ZNF536: variants seen among roughly 807,000 people sequenced by gnomAD.
The protein encoded by ZNF536 is zinc finger protein 536.
Under a neutral mutation model 84.5 loss-of-function variants are expected in ZNF536, and 13 were observed. The ratio of observed to expected loss-of-function variants is 0.15; its 90% CI spans 0.10 to 0.24. ZNF536 has a LOEUF of 0.24. ZNF536 is among the 10% of genes least tolerant of loss of function. The pLI, the probability that ZNF536 is intolerant of heterozygous loss-of-function variation, is 1.00. For missense variants in ZNF536, 1,536 were observed against 1,747.5 expected, an observed-to-expected ratio of 0.88 and a Z score of 2.16; for synonymous variants, 811 against 742.5, an observed-to-expected ratio of 1.09 and a Z score of -1.50.
At chr19:30,478,783 G>A (rs1437982954) in intron 2 of ZNF536, among the ~76,000 whole-genome samples, 1 of 152,170 alleles carries the variant, frequency 6.6e-6, no homozygotes, top group East Asian at 1.9e-4. Context: ...ATGTGGTATA[G>A]CTTCGAGTCT....
intron 3 of ZNF536, among the ~76,000 whole-genome samples, chr19:30,542,619 A>C (rs1479095164): frequency 6.6e-6 from 1 of 152,180 alleles, no homozygotes; most frequent in Non-Finnish European, 1.5e-5. Flanking sequence ...GTTTCCCCGC[A>C]GAAGGCTACC....
At chr19:30,297,948 T>C (rs1438351990) in intron 2 of ZNF536, among the ~76,000 whole-genome samples, 1 of 150,362 alleles carries the variant, frequency 6.7e-6, no homozygotes, top group African/African-American at 2.5e-5. Flanking sequence ...TGGTGCGATC[T>C]TGGCTCACTG....
chr19:30,456,408 T>C (rs908362922), intron 2 of ZNF536, among the ~76,000 whole-genome samples: 1 of 151,750 alleles, frequency 6.6e-6, no homozygotes, highest in African/African-American at 2.4e-5. Context: ...TGCACCATTA[T>C]TTCCTTAGGT....
intron 1 of ZNF536, among the ~76,000 whole-genome samples, chr19:30,683,684 A>G (rs1290993827): frequency 1.3e-5 from 2 of 152,222 alleles, no homozygotes; most frequent in Non-Finnish European, 2.9e-5. Flanking sequence ...TTTCAAAGAC[A>G]TGACCTTTCT....
At chr19:30,621,559 G>GT (rs1222189396) in intron 1 of ZNF536, among the ~76,000 whole-genome samples, 1 of 152,194 alleles carries the variant, frequency 6.6e-6, no homozygotes, top group Non-Finnish European at 1.5e-5. Context: ...GCTATGCAGG[G>GT]TGGCCTCCAA....
intron 1 of ZNF536, among the ~76,000 whole-genome samples, chr19:30,585,905 A>G (rs1228847572): frequency 2.6e-5 from 4 of 152,192 alleles, no homozygotes; most frequent in Admixed American, 6.5e-5. Context: ...TGTCTGAAAT[A>G]TCAGTATTTG....
At chr19:30,391,520 G>A (rs2049589097) in intron 1 of ZNF536, among the ~76,000 whole-genome samples, 1 of 152,194 alleles carries the variant, frequency 6.6e-6, no homozygotes, top group Admixed American at 6.5e-5. Context: ...AGGTTGCAGT[G>A]AGCTGAGATC....
intron 1 of ZNF536, among the ~76,000 whole-genome samples, chr19:30,373,058 C>T (rs144160260): frequency 9.8e-5 from 15 of 152,322 alleles, no homozygotes; most frequent in African/African-American, 2.4e-4. Flanking sequence ...AACTCCGCAT[C>T]GGGATCACCA....
Position 30,678,266 on chromosome 19 carries a change from C to T in ZNF536, c.170-32491C>T, listed in dbSNP as rs959906380. On this transcript the variant is annotated intron_variant, in intron 1 of 1. Coordinates refer to the ZNF536 transcript ENST00000592773. ...CGCTGGCTGGGAGATGCTCAGGATGCGGGACAGGTTAGGGGCACTGTGTGC... is the reference window on the plus strand; with the variant it reads ...CGCTGGCTGGGAGATGCTCAGGATGTGGGACAGGTTAGGGGCACTGTGTGC... 3.3e-5 allele frequency among the ~76,000 whole-genome samples: 5 copies of T among 152,118 alleles called. No individual in the cohort carries two copies. In the East Asian group the frequency reaches 5.8e-4, roughly 18 times the overall value.
intron 1 of ZNF536, among the ~76,000 whole-genome samples, chr19:30,573,533 T>C (rs913818910): frequency 1.3e-5 from 2 of 152,120 alleles, no homozygotes; most frequent in African/African-American, 2.4e-5. Context: ...ACTTAGAAGA[T>C]TGGTCATAGA....
rs79540858 is a variant in ZNF536 at position 30,594,495 on chromosome 19, A to G, written c.169+44981A>G. Among the ~76,000 whole-genome samples, 1,170 of 152,278 alleles carry G rather than the reference A, an allele frequency of 7.7e-3. 13 individuals carry two copies. The highest frequency in any genetic ancestry group is 0.027 in the African/African-American group (1,125 of 41,544). ...GCCGCCTTTCTCCCTACCTCCCTCC[A>G]GCACTAGCTGCTGCCTTTTTTGCAT... On this transcript the variant is annotated intron_variant, in intron 1 of 1. Coordinates refer to the ZNF536 transcript ENST00000592773.
intron 2 of ZNF536, among the ~76,000 whole-genome samples, chr19:30,334,506 T>G (rs2047316314): frequency 6.6e-6 from 1 of 152,152 alleles, no homozygotes; most frequent in African/African-American, 2.4e-5. Context: ...GGACGTCTGG[T>G]TAAGACAAAC....
At chr19:30,530,925 C>T (rs2044784820) in intron 2 of ZNF536, among the ~76,000 whole-genome samples, 1 of 152,184 alleles carries the variant, frequency 6.6e-6, no homozygotes, top group Non-Finnish European at 1.5e-5. Flanking sequence ...TCACCAGCAC[C>T]CATCCTGGCA....
At chr19:30,689,138 A>C (rs2051309913) in intron 1 of ZNF536, among the ~76,000 whole-genome samples, 1 of 152,330 alleles carries the variant, frequency 6.6e-6, no homozygotes, top group Admixed American at 6.5e-5. Flanking sequence ...GGAAAGAGGG[A>C]CTTGTTCCAG....
intron 1 of ZNF536, among the ~76,000 whole-genome samples, chr19:30,399,052 A>G (rs527792525): frequency 1.7e-3 from 261 of 152,264 alleles, no homozygotes; most frequent in South Asian, 4.8e-3. Context: ...AAGCATTCCT[A>G]TTTCTCCACA....
At chr19:30,573,718 T>C (rs2046632195) in intron 1 of ZNF536, among the ~76,000 whole-genome samples, 1 of 152,278 alleles carries the variant, frequency 6.6e-6, no homozygotes, top group East Asian at 1.9e-4. Context: ...TCAGGACTTT[T>C]GATGGCCATA....
intron 1 of ZNF536, among the ~76,000 whole-genome samples, chr19:30,595,304 A>C (rs1292022622): frequency 3.3e-5 from 5 of 151,924 alleles, no homozygotes; most frequent in African/African-American, 9.7e-5. Context: ...ATTATTTTTT[A>C]AGAGATAGAG....
At chr19:30,678,863 G>A (rs2147801423) in intron 1 of ZNF536, among the ~76,000 whole-genome samples, 1 of 152,196 alleles carries the variant, frequency 6.6e-6, no homozygotes, top group South Asian at 2.1e-4. Flanking sequence ...GGTCGCTTGA[G>A]GTCAGGAGGT....
At chr19:30,517,147 C>T (rs9676954) in intron 2 of ZNF536, among the ~76,000 whole-genome samples, 1 of 152,166 alleles carries the variant, frequency 6.6e-6, no homozygotes, top group South Asian at 2.1e-4. Context: ...AATTTGGTAT[C>T]ATAGCGAAGA....
Sources: allele counts gnomAD v4.1 joint callset (sites outside exome capture counted in the v4.1 genomes callset), GRCh38; gene constraint gnomAD v4.1.1; transcripts MANE v1.5; gene names NCBI Gene and HGNC (gene_info 2026-07-23, HGNC 2026-07-21).